Variants in RUNX1T1 observed in about 807,000 individuals in gnomAD.
RUNX1T1 encodes the protein RUNX1 partner transcriptional co-repressor 1.
Under a neutral mutation model 62.8 loss-of-function variants are expected in RUNX1T1, and 4 were observed. The observed-to-expected ratio is 0.06, with a 90% CI of 0.03 to 0.15. RUNX1T1 has a LOEUF of 0.15. RUNX1T1 is among the 10% of genes least tolerant of loss of function. The pLI is 1.00. For synonymous variants in RUNX1T1, 291 were observed against 286.0 expected, an observed-to-expected ratio of 1.02 and a Z score of -0.18; for missense variants, 508 against 754.3, an observed-to-expected ratio of 0.67 and a Z score of 3.82.
intron 5 of RUNX1T1, among the ~76,000 whole-genome samples, chr8:92,001,936 G>T (rs1043986475): frequency 6.6e-6 from 1 of 152,120 alleles, no homozygotes; most frequent in African/African-American, 2.4e-5. Context: ...ACACAAAAGT[G>T]CTTGTGTCTT....
rs533839626 is a variant in RUNX1T1, at chr8:92,005,453, G to T, written c.478-156C>A. ...GCTGGAACCACAGGCACAATTCTCA[G>T]CACTGGGCTACCATGTGCGCAGATT... is the stretch of plus-strand genomic sequence containing the variant. On this transcript the variant is annotated intron_variant, in intron 4 of 10. Coordinates refer to ENST00000396218, the Ensembl canonical transcript of RUNX1T1. 1.3e-5 allele frequency: 8 copies of T among 630,436 alleles called. No homozygotes were observed. The East Asian group carries it at 2.3e-4, about 18-fold the overall frequency. 39.1% of individuals were successfully genotyped at this position (630,436 alleles called of 1,614,324 possible). A position where few individuals can be genotyped will look rare whatever the true frequency, so the allele number is the denominator to read the frequency against.
At chr8:91,959,146 A>G in exon 11 of RUNX1T1, 1 of 217,448 alleles carries the variant, frequency 4.6e-6, no homozygotes, top group East Asian at 6.6e-5. Context: ...CTCACAGGAC[A>G]GAAGTGTTTT....
intron 1 of RUNX1T1, chr8:92,095,069 G>T (rs2130932850): frequency 6.5e-7 from 1 of 1,535,630 alleles, no homozygotes; most frequent in Non-Finnish European, 8.7e-7. Flanking sequence ...ATGGGAGATA[G>T]CGTCAAGGCC....
At chr8:91,991,473 CT>C (rs762679364) in intron 6 of RUNX1T1, among the ~76,000 whole-genome samples, 165 bp downstream of exon 7, 14 of 152,050 alleles carry the variant, frequency 9.2e-5, no homozygotes, top group Non-Finnish European at 1.9e-4. Flanking sequence ...TGTTAAAAGT[CT>C]ATTAATACCA....
chr8:92,045,885 C>CT (rs1418521589), intron 1 of RUNX1T1, among the ~76,000 whole-genome samples: 1 of 152,140 alleles, frequency 6.6e-6, no homozygotes, highest in African/African-American at 2.4e-5. Flanking sequence ...AAAAGTTATA[C>CT]TTTGAGAGGA....
intron 1 of RUNX1T1, among the ~76,000 whole-genome samples, chr8:92,039,611 T>C (rs1249198324): frequency 6.6e-6 from 1 of 152,238 alleles, no homozygotes; most frequent in Admixed American, 6.5e-5. Context: ...CACAAACCTG[T>C]GATCCACCTT....
At chr8:92,048,400 G>T (rs544054551) in intron 1 of RUNX1T1, among the ~76,000 whole-genome samples, 1 of 152,018 alleles carries the variant, frequency 6.6e-6, no homozygotes, top group Non-Finnish European at 1.5e-5. Flanking sequence ...TACAACTGGC[G>T]GGGTATGGTG....
chr8:91,984,334 C>T (rs553878918), intron 8 of RUNX1T1, among the ~76,000 whole-genome samples: 8 of 152,204 alleles, frequency 5.3e-5, no homozygotes, highest in Admixed American at 3.9e-4. Flanking sequence ...GCTGATAACT[C>T]GCTTAGGTAT....
intron 2 of RUNX1T1, among the ~76,000 whole-genome samples, chr8:92,074,065 A>T (rs1486332198): frequency 6.6e-6 from 1 of 152,228 alleles, no homozygotes; most frequent in Non-Finnish European, 1.5e-5. Context: ...AGGTCAATAC[A>T]AATATGTATA....
chr8:92,037,168 C>A (rs1207725435), intron 1 of RUNX1T1, among the ~76,000 whole-genome samples: 1 of 152,138 alleles, frequency 6.6e-6, no homozygotes, highest in African/African-American at 2.4e-5. Context: ...AATAAACTTT[C>A]TCATCAATGT....
intron 1 of RUNX1T1, chr8:92,017,632 G>T (rs1823271998): frequency 7.6e-7 from 1 of 1,324,014 alleles, no homozygotes; most frequent in African/African-American, 1.5e-5. Flanking sequence ...CCTTGGTAGT[G>T]TTATATGCAG....
In RUNX1T1 at chr8:91,966,103, C is replaced by CATATAT. The variant is rs59908043; in HGVS notation, c.1458+4549_1458+4554dup. On this transcript the variant is annotated intron_variant, in intron 10 of 10. Coordinates refer to ENST00000396218, the Ensembl canonical transcript of RUNX1T1. The stretch of plus-strand genomic sequence containing the variant: ...AACATCTACGGAATCAAACAGCTGG[C>CATATAT]ATATATATATATATTTATAAAATAT... 5.7e-3 allele frequency among the ~76,000 whole-genome samples: 841 copies of CATATAT among 146,392 alleles called. 13 individuals are homozygous for CATATAT. Among genetic ancestry groups the CATATAT allele is most frequent in the African/African-American group, 0.02 (807 of 39,874 alleles).
At chr8:92,078,387 A>T (rs1427587427) in intron 1 of RUNX1T1, among the ~76,000 whole-genome samples, 1 of 152,130 alleles carries the variant, frequency 6.6e-6, no homozygotes, top group Non-Finnish European at 1.5e-5. Context: ...TGTCACATGG[A>T]AGTGATAATA....
intron 5 of RUNX1T1, chr8:91,994,592 C>G (rs964920329): frequency 1.2e-5 from 6 of 497,148 alleles, no homozygotes; most frequent in African/African-American, 1.2e-4. Context: ...TTGGTCAAGT[C>G]ACTTAACCTC....
At chr8:92,011,794 C>T (rs1821983096) in intron 3 of RUNX1T1, among the ~76,000 whole-genome samples, 1 of 152,138 alleles carries the variant, frequency 6.6e-6, no homozygotes. Flanking sequence ...CACTTCTAAC[C>T]TACCTTATAT....
chr8:91,986,350 G>C, intron 7 of RUNX1T1, 25 bp from the exon 9 acceptor site: 1 of 1,541,118 alleles, frequency 6.5e-7, no homozygotes. Flanking sequence ...GGAGAATAGG[G>C]AAGAGCATAT....
chr8:92,093,879 C>T (rs1023892953), intron 1 of RUNX1T1, among the ~76,000 whole-genome samples: 1 of 152,184 alleles, frequency 6.6e-6, no homozygotes, highest in African/African-American at 2.4e-5. Flanking sequence ...ACGTGCTCCA[C>T]CTATTTCTCT....
chr8:92,059,433 T>C (rs955995246), intron 1 of RUNX1T1, among the ~76,000 whole-genome samples: 7 of 152,212 alleles, frequency 4.6e-5, no homozygotes, highest in African/African-American at 1.4e-4. Flanking sequence ...CTTGCAAGCA[T>C]TGATGTTAAA....
At chr8:92,093,561 C>A (rs969552472) in intron 1 of RUNX1T1, among the ~76,000 whole-genome samples, 6 of 152,110 alleles carry the variant, frequency 3.9e-5, no homozygotes, top group African/African-American at 4.8e-5. Flanking sequence ...TATCGCTTCT[C>A]GGCCTTTTGG....
Sources: gnomAD v4.1 joint callset for allele counts (sites outside exome capture counted in the v4.1 genomes callset) on GRCh38, gnomAD v4.1.1 for gene constraint, MANE v1.5 for transcripts, NCBI Gene and HGNC (gene_info 2026-07-23, HGNC 2026-07-21) for gene names.